The following SKAP2 variants were observed in gnomAD, a reference collection of about 807,000 sequenced individuals.
SKAP2 encodes the protein src kinase-associated phosphoprotein 2.
In SKAP2, 28 loss-of-function variants were observed where a neutral mutation model predicts 54.9. That is an observed-to-expected ratio of 0.51 (90% CI 0.38 to 0.70). The LOEUF (loss-of-function observed/expected upper bound fraction) is 0.70, where lower values mean the gene tolerates loss of function less well. Among genes scored for constraint, SKAP2 ranks in the 30% least tolerant of loss-of-function variants. SKAP2 has a pLI of 0.00. For missense variants in SKAP2, 356 were observed against 424.1 expected, an observed-to-expected ratio of 0.84 and a Z score of 1.41; for synonymous variants, 137 against 134.3, an observed-to-expected ratio of 1.02 and a Z score of -0.14.
At chr7:26,806,392 A>G (rs1309483908) in intron 4 of SKAP2, among the ~76,000 whole-genome samples, 2 of 152,148 alleles carry the variant, frequency 1.3e-5, no homozygotes, top group South Asian at 2.1e-4. Flanking sequence ...ATCTCAATCA[A>G]TCAATAAATA....
intron 11 of SKAP2, among the ~76,000 whole-genome samples, chr7:26,678,773 T>A (rs1486413244): frequency 6.6e-6 from 1 of 152,160 alleles, no homozygotes; most frequent in African/African-American, 2.4e-5. Context: ...GAATACTCAA[T>A]GAACATCTGT....
At chr7:26,853,559 G>A (rs1270936816) in intron 3 of SKAP2, among the ~76,000 whole-genome samples, 1 of 152,106 alleles carries the variant, frequency 6.6e-6, no homozygotes, top group African/African-American at 2.4e-5. Context: ...AAAAAAAAAT[G>A]AAACTGAATT....
intron 4 of SKAP2, among the ~76,000 whole-genome samples, chr7:26,828,189 T>C (rs1020022518): frequency 1.3e-5 from 2 of 151,630 alleles, no homozygotes; most frequent in Non-Finnish European, 2.9e-5. Context: ...TTCTCTGAAA[T>C]AACTTAAGGA....
At chr7:26,835,650 T>G (rs1350357265) in intron 4 of SKAP2, among the ~76,000 whole-genome samples, 1 of 152,040 alleles carries the variant, frequency 6.6e-6, no homozygotes, top group Non-Finnish European at 1.5e-5. Flanking sequence ...GAAGGACCTC[T>G]TCAAGGAGAA....
the SKAP2 span, among the ~76,000 whole-genome samples, chr7:26,656,374 T>G: frequency 6.6e-6 from 1 of 152,214 alleles, no homozygotes; most frequent in Non-Finnish European, 1.5e-5. Context: ...ATATTAGGTT[T>G]TAATTCACTT....
At position 26,690,554 on chromosome 7, in the gene SKAP2, C is replaced by T. The variant is rs980871355; in HGVS notation, c.797-192G>A. On this transcript the variant is annotated intron_variant, in intron 9 of 12. Transcript: ENST00000345317. ...TGAATAAATAAAATACTAGCTACTG[C>T]CAAATAGCAACCTTTCCAACTTTCC... Among the ~76,000 whole-genome samples the T allele has an allele frequency of 4.6e-5, 7 of 152,152 alleles. No homozygotes were observed. In the South Asian group the frequency reaches 1.0e-3, roughly 23 times the overall value.
intron 4 of SKAP2, among the ~76,000 whole-genome samples, chr7:26,813,199 T>C (rs1392603161): frequency 6.6e-6 from 1 of 152,170 alleles, no homozygotes; most frequent in Non-Finnish European, 1.5e-5. Context: ...TATAGGTACA[T>C]ACACTGGAGT....
At chr7:26,793,217 G>A (rs1203647548) in intron 4 of SKAP2, among the ~76,000 whole-genome samples, 1 of 152,128 alleles carries the variant, frequency 6.6e-6, no homozygotes, top group African/African-American at 2.4e-5. Flanking sequence ...AAGCACAATT[G>A]CCAACTATCC....
intron 4 of SKAP2, among the ~76,000 whole-genome samples, chr7:26,823,445 A>AAAC (rs1554304071): frequency 2.0e-5 from 3 of 149,420 alleles, no homozygotes; most frequent in Non-Finnish European, 4.5e-5. Flanking sequence ...AAAAAAAAAA[A>AAAC]CAAGCAAAAA....
chr7:26,669,866 T>A (rs970527302), intron 12 of SKAP2, among the ~76,000 whole-genome samples: 1 of 152,158 alleles, frequency 6.6e-6, no homozygotes, highest in African/African-American at 2.4e-5. Flanking sequence ...AAAAGAACTT[T>A]CTCTAAATAA....
At chr7:26,827,000 T>C (rs1451746348) in intron 4 of SKAP2, among the ~76,000 whole-genome samples, 1 of 152,164 alleles carries the variant, frequency 6.6e-6, no homozygotes, top group African/African-American at 2.4e-5. Context: ...CATACATAGA[T>C]CCCAGGACAC....
In SKAP2 at chr7:26,742,722, T is replaced by C. The variant is rs562577578; in HGVS notation, c.308-2758A>G. On this transcript the variant is annotated intron_variant, in intron 4 of 12. Transcript: ENST00000345317. ...AGGATTTGCTTAATAGCCATATGAATTCTTTAAAACACAAAAGTACACTAA... is the reference window on the plus strand; with the variant it reads ...AGGATTTGCTTAATAGCCATATGAACTCTTTAAAACACAAAAGTACACTAA... Among the ~76,000 whole-genome samples the C allele has an allele frequency of 4.0e-4, 60 of 150,522 alleles. No homozygotes were observed. In the South Asian group the frequency reaches 0.013, roughly 32 times the overall value.
intron 11 of SKAP2, among the ~76,000 whole-genome samples, chr7:26,670,860 A>G (rs960873641): frequency 6.6e-6 from 1 of 152,096 alleles, no homozygotes; most frequent in African/African-American, 2.4e-5. Context: ...TTAGATAAAG[A>G]ATAGGTAGAA....
intron 4 of SKAP2, among the ~76,000 whole-genome samples, chr7:26,752,683 T>C (rs1562597624): frequency 1.3e-5 from 2 of 152,180 alleles, no homozygotes; most frequent in Admixed American, 6.5e-5. Context: ...AAGAGCCATA[T>C]CCTTTAACAA....
chr7:26,686,547 C>A (rs1190092219), intron 10 of SKAP2, among the ~76,000 whole-genome samples: 1 of 152,122 alleles, frequency 6.6e-6, no homozygotes, highest in African/African-American at 2.4e-5. Context: ...AAAATGGACA[C>A]TAGAGGGCAC....
chr7:26,863,037 C>T (rs1785300370), intron 1 of SKAP2, among the ~76,000 whole-genome samples: 1 of 152,104 alleles, frequency 6.6e-6, no homozygotes, highest in Non-Finnish European at 1.5e-5. Context: ...AGTCTTTAGA[C>T]TTCTTTAACT....
At chr7:26,680,293 C>T (rs1473543953) in intron 11 of SKAP2, among the ~76,000 whole-genome samples, 1 of 152,044 alleles carries the variant, frequency 6.6e-6, no homozygotes, top group African/African-American at 2.4e-5. Context: ...ATACCTATTG[C>T]TATATAATCT....
At chr7:26,759,267 T>C (rs1195322586) in intron 4 of SKAP2, among the ~76,000 whole-genome samples, 1 of 152,182 alleles carries the variant, frequency 6.6e-6, no homozygotes, top group African/African-American at 2.4e-5. Context: ...ATAATAGCTA[T>C]GACAAATCCA....
At chr7:26,821,012 CAG>C (rs1321442776) in intron 4 of SKAP2, among the ~76,000 whole-genome samples, 2 of 152,114 alleles carry the variant, frequency 1.3e-5, no homozygotes, top group African/African-American at 4.8e-5. Flanking sequence ...TGTTCAAAGT[CAG>C]AGTGTCAAAC....
Sources: gnomAD v4.1 joint callset for allele counts (sites outside exome capture counted in the v4.1 genomes callset) on GRCh38, gnomAD v4.1.1 for gene constraint, MANE v1.5 for transcripts, NCBI Gene and HGNC (gene_info 2026-07-23, HGNC 2026-07-21) for gene names.